ARHGEF39: variants seen among roughly 807,000 people sequenced by gnomAD.
ARHGEF39 encodes Rho guanine nucleotide exchange factor 39.
A neutral mutation model predicts 47.5 loss-of-function variants in ARHGEF39; 45 were observed. That is an observed-to-expected ratio of 0.95 (90% CI 0.75 to 1.22). The LOEUF (loss-of-function observed/expected upper bound fraction) is 1.22. Ranked by LOEUF, ARHGEF39 falls within the 50% of genes most tolerant of loss-of-function variation. The pLI, the probability that ARHGEF39 is intolerant of heterozygous loss-of-function variation, is 0.00. For missense variants in ARHGEF39, 411 were observed against 425.3 expected, an observed-to-expected ratio of 0.97 and a Z score of 0.30; for synonymous variants, 164 against 167.8, an observed-to-expected ratio of 0.98 and a Z score of 0.17.
At position 35,660,387 on chromosome 9, in the gene ARHGEF39, T is replaced by G. The variant is rs1355351195; in HGVS notation, c.*1600A>C. On this transcript the variant is annotated 3_prime_UTR_variant, in exon 9 of 9. Transcript: ENST00000378387. ...TTGTTGCTTCAGTACTGCCCTTTCC[T>G]TCTTCCACAACAGGGGAAAGATGAA... 1 of 1,583,430 alleles carries G rather than the reference T, an allele frequency of 6.3e-7. No homozygotes were observed. Among genetic ancestry groups the G allele is most frequent in the Non-Finnish European group, 8.6e-7 (1 of 1,165,626 alleles).
Position 35,663,265 on chromosome 9 carries a change from G to T in ARHGEF39, c.544+57C>A, listed in dbSNP as rs553038312. Reference sequence around the variant, plus strand: ...CAGACATTGTTGGAGGTCAGAATCAGAAAGGAATACAGGAGAGGAAGCCTC... The same window carrying T: ...CAGACATTGTTGGAGGTCAGAATCATAAAGGAATACAGGAGAGGAAGCCTC... On this transcript the variant is annotated intron_variant, in intron 5 of 8. Transcript: ENST00000378387. The T allele has an allele frequency of 3.1e-6, 5 of 1,590,362 alleles. No individual in the cohort carries two copies. The African/African-American group carries it at 5.4e-5, about 17-fold the overall frequency.
At position 35,664,406 on chromosome 9, in the gene ARHGEF39, G is replaced by C. The variant is rs1375457981; in HGVS notation, c.320C>G (p.Ala107Gly). ...GGTCTGGGACCTCTCTGAGTTGGCA[G>C]CAAATTGGTTATAGAGCTCCAAGTG... Reference protein sequence around the residue: ...CRHLELYNQFAANSERSQTTL... With the variant: ...CRHLELYNQFGANSERSQTTL... Residue 107 changes from alanine (A) to glycine (G), a missense_variant, in exon 3 of 9, where the codon GCT (alanine) becomes GGT (glycine). Transcript: ENST00000378387. 4.3e-6 allele frequency: 7 copies of C among 1,612,890 alleles called. No individual in the cohort carries two copies. Among genetic ancestry groups the C allele is most frequent in the Middle Eastern group, 1.6e-4 (1 of 6,082 alleles).
In ARHGEF39 at chr9:35,660,427, C is replaced by T. The variant is rs757111794; in HGVS notation, c.*1560G>A. ...GGAAAGATGAAACTGCGGTTCTCCA[C>T]GAGGAGGCAAGCAAGCAGCAGCCAC... On this transcript the variant is annotated 3_prime_UTR_variant, in exon 9 of 9. Transcript: ENST00000378387. The T allele has an allele frequency of 8.1e-6, 13 of 1,610,678 alleles. No individual in the cohort carries two copies. Among genetic ancestry groups the T allele is most frequent in the Admixed American group, 1.7e-5 (1 of 59,562 alleles).
rs199757844 is a variant in ARHGEF39 at position 35,662,685 on chromosome 9, G to C, written c.730C>G (p.Arg244Gly). The change falls in exon 7 of 9, where the codon CGG becomes GGG. Residue 244 changes from arginine (R) to glycine (G), a missense_variant. By Grantham distance (125) the Arg-to-Gly change is moderately radical. Coordinates refer to ENST00000378387, the MANE Select transcript of ARHGEF39 (RefSeq NM_032818.3). ...GTGAAGAGGAAGAACATGCGGGGCC[G>C]AGGCTCCCCATGGGGAGGCACCACT... ...LLVVPPHGEP[R>G]PRMFFLFTDV... The C allele has an allele frequency of 1.0e-5, 16 of 1,590,700 alleles. No individual in the cohort carries two copies. Among genetic ancestry groups the C allele is most frequent in the Middle Eastern group, 1.7e-4 (1 of 5,822 alleles).
chr9:35,659,444 G>A lies in ARHGEF39; in HGVS notation c.*2543C>T. 1 of 152,228 alleles carries A rather than the reference G, an allele frequency of 6.6e-6. No individual in the cohort carries two copies. The highest frequency in any genetic ancestry group is 1.9e-4 in the East Asian group (1 of 5,198). The allele number at this position is 152,228 out of a possible 1,614,324, so 9.4% of individuals were successfully genotyped here. A position where few individuals can be genotyped will look rare whatever the true frequency, so the allele number is the denominator to read the frequency against. ...GTCTGGGAGAAACATAATGTAGCAG[G>A]AGGTCTTATGAAAGAGAGTTAGGCA... is the stretch of plus-strand genomic sequence containing the variant. On this transcript the variant is annotated 3_prime_UTR_variant, in exon 9 of 9. Transcript: ENST00000378387.
Position 35,665,163 on chromosome 9 carries a change from G to A in ARHGEF39, c.7C>T (p.Leu3Phe). 2 of 1,504,624 alleles carry A rather than the reference G, an allele frequency of 1.3e-6. No homozygotes were observed. Among genetic ancestry groups the A allele is most frequent in the South Asian group, 1.2e-5 (1 of 80,458 alleles). The allele number at this position is 1,504,624 out of a possible 1,614,324, so 93.2% of individuals were successfully genotyped here. A position where few individuals can be genotyped will look rare whatever the true frequency, so the allele number is the denominator to read the frequency against. Residue 3 changes from leucine to phenylalanine, a missense_variant, in exon 1 of 9, where the codon CTC (leucine) becomes TTC (phenylalanine). Coordinates refer to ENST00000378387, the MANE Select transcript of ARHGEF39 (RefSeq NM_032818.3). ...GGGCACCGCGAACCGGGGCAGGAGA[G>A]CTCCATGCCCTGGCTGAGGGATCGA... ME[L>F]SCPGSRCPVQ...
chr9:35,661,742 G>C lies in ARHGEF39; in HGVS notation c.*245C>G. On this transcript the variant is annotated 3_prime_UTR_variant, in exon 9 of 9. Transcript: ENST00000378387. ...TTGCCCAGGCTGGTCTTGAACTCCTGGGCTGGAATGATCCTGCCACCTCTG... is the reference window on the plus strand; with the variant it reads ...TTGCCCAGGCTGGTCTTGAACTCCTCGGCTGGAATGATCCTGCCACCTCTG... 1 of 491,782 alleles carries C rather than the reference G, an allele frequency of 2.0e-6. No individual in the cohort carries two copies. 30.5% of individuals were successfully genotyped at this position (491,782 alleles called of 1,614,324 possible).
At position 35,661,091 on chromosome 9, in the gene ARHGEF39, G is replaced by A. The variant is rs10441686; in HGVS notation, c.*896C>T. ...AGGTGGGGCGGGGACTACGGAGAAG[G>A]TGCAGCCAGGCTGTGGCAAAGGGCC... On this transcript the variant is annotated 3_prime_UTR_variant, in exon 9 of 9. Coordinates refer to ENST00000378387, the MANE Select transcript of ARHGEF39 (RefSeq NM_032818.3). The A allele has an allele frequency of 0.032, 50,962 of 1,614,068 alleles. 1,596 individuals carry two copies. The highest frequency in any genetic ancestry group is 0.17 in the African/African-American group (12,392 of 75,000).
chr9:35,663,179 T>C (rs773461020), intron 5 of ARHGEF39, 105 bp from the exon 6 acceptor site: 1 of 1,592,882 alleles, frequency 6.3e-7, no homozygotes, highest in Admixed American at 1.7e-5. Context: ...GTCTGACTTC[T>C]TGAAGAAAAG....
chr9:35,664,587 T>C, intron 2 of ARHGEF39, 95 bp from the exon 3 acceptor site: 1 of 1,501,050 alleles, frequency 6.7e-7, no homozygotes, highest in African/African-American at 1.4e-5. Flanking sequence ...GTAGTGCTAT[T>C]ACCCCATTGT....
At position 35,660,817 on chromosome 9, in the gene ARHGEF39, A is replaced by G; in HGVS notation, c.*1170T>C. 2 of 1,614,218 alleles carry G rather than the reference A, an allele frequency of 1.2e-6. No individual in the cohort carries two copies. Among genetic ancestry groups the G allele is most frequent in the East Asian group, 2.2e-5 (1 of 44,888 alleles). On this transcript the variant is annotated 3_prime_UTR_variant, in exon 9 of 9. Transcript: ENST00000378387. ...CTATGGACCATCCACGAGCTGCTGC[A>G]AGATAGCAAGCCGGACAAGGATATG...
chr9:35,662,017 C>G lies in ARHGEF39; in HGVS notation c.993-15G>C, dbSNP rs1229643534. Reference sequence around the variant, plus strand: ...TTTTCTGGCTGCTGTGGAGAGAAGACAGTCAGTTCAGGCACTGGTATGAGT... The same window carrying G: ...TTTTCTGGCTGCTGTGGAGAGAAGAGAGTCAGTTCAGGCACTGGTATGAGT... On this transcript the variant is annotated splice_polypyrimidine_tract_variant and intron_variant, in intron 8 of 8. Transcript: ENST00000378387. 1.2e-6 allele frequency: 2 copies of G among 1,613,880 alleles called. No homozygotes were observed. Among genetic ancestry groups the G allele is most frequent in the Admixed American group, 3.3e-5 (2 of 59,966 alleles).
chr9:35,661,871 G>A lies in ARHGEF39; in HGVS notation c.*116C>T. The A allele has an allele frequency of 7.7e-7, 1 of 1,296,992 alleles. No homozygotes were observed. The highest frequency in any genetic ancestry group is 1.1e-6 in the Non-Finnish European group (1 of 934,186). The allele number at this position is 1,296,992 out of a possible 1,614,324, so 80.3% of individuals were successfully genotyped here. A position where few individuals can be genotyped will look rare whatever the true frequency, so the allele number is the denominator to read the frequency against. On this transcript the variant is annotated 3_prime_UTR_variant, in exon 9 of 9. Transcript: ENST00000378387. ...GTAGCTTGGTCCAGGCAAACAGAAAGTGACCTTTGTCAAATCATGAAGGGT... is the reference window on the plus strand; with the variant it reads ...GTAGCTTGGTCCAGGCAAACAGAAAATGACCTTTGTCAAATCATGAAGGGT...
chr9:35,663,218 TCA>T (rs1824063454), intron 5 of ARHGEF39, 102 bp downstream of exon 5: 1 of 1,544,650 alleles, frequency 6.5e-7, no homozygotes, highest in Non-Finnish European at 8.9e-7. Flanking sequence ...TGTATACATG[TCA>T]GTGGAAGATA....
In ARHGEF39 at chr9:35,661,711, A is replaced by T. The variant is rs1355292328; in HGVS notation, c.*276T>A. 2.3e-6 allele frequency: 1 copy of T among 434,652 alleles called. No homozygotes were observed. The highest frequency in any genetic ancestry group is 4.1e-6 in the Non-Finnish European group (1 of 246,760). 26.9% of individuals were successfully genotyped at this position (434,652 alleles called of 1,614,324 possible). On this transcript the variant is annotated 3_prime_UTR_variant, in exon 9 of 9. Coordinates refer to ENST00000378387, the MANE Select transcript of ARHGEF39 (RefSeq NM_032818.3). ...CTTAAATAGAGACAGGGTCTCACTCACTGTGTTGCCCAGGCTGGTCTTGAA... is the reference window on the plus strand; with the variant it reads ...CTTAAATAGAGACAGGGTCTCACTCTCTGTGTTGCCCAGGCTGGTCTTGAA...
rs773343294 is a variant in ARHGEF39, at chr9:35,661,064, G to A, written c.*923C>T. 2 of 1,614,204 alleles carry A rather than the reference G, an allele frequency of 1.2e-6. No individual in the cohort carries two copies. Among genetic ancestry groups the A allele is most frequent in the Non-Finnish European group, 1.7e-6 (2 of 1,180,034 alleles). ...AGACATGGAACCTAGCTACTTCCTG[G>A]GAGGTGGGGCGGGGACTACGGAGAA... On this transcript the variant is annotated 3_prime_UTR_variant, in exon 9 of 9. Transcript: ENST00000378387.
chr9:35,660,896 C>G lies in ARHGEF39; in HGVS notation c.*1091G>C, dbSNP rs1563912726. On this transcript the variant is annotated 3_prime_UTR_variant, in exon 9 of 9. Transcript: ENST00000378387. ...GAGGCGAGTCTGCTGGAGGTGGAGA[C>G]AAAGTCTCTGAAACTGGAACATTCC... is the stretch of plus-strand genomic sequence containing the variant. The G allele has an allele frequency of 1.2e-6, 2 of 1,614,146 alleles. No individual in the cohort carries two copies. The highest frequency in any genetic ancestry group is 1.7e-5 in the Admixed American group (1 of 60,032).
At position 35,664,802 on chromosome 9, in the gene ARHGEF39, G is replaced by A. The variant is rs1438936611; in HGVS notation, c.187C>T (p.Arg63Cys). ...KAKGTLRPPE[R>C]QALFGSWELI... ...TCCCAGGAGCCAAACAGGGCCTGGC[G>A]CTCAGGTGGTCGCAGGGTCCCCTTG... The change falls in exon 2 of 9, where the codon CGC (arginine) becomes TGC (cysteine). Residue 63 changes from arginine to cysteine, a missense_variant. Arg to Cys is a radical substitution (Grantham distance 180). Coordinates refer to ENST00000378387, the MANE Select transcript of ARHGEF39 (RefSeq NM_032818.3). The A allele has an allele frequency of 1.9e-6, 3 of 1,612,398 alleles. No homozygotes were observed. Among genetic ancestry groups the A allele is most frequent in the Admixed American group, 1.7e-5 (1 of 60,032 alleles).
At position 35,662,716 on chromosome 9, in the gene ARHGEF39, C is replaced by A. The variant is rs936216186; in HGVS notation, c.699G>T (p.Trp233Cys). ...CCCCATGGGGAGGCACCACTAACAG[C>A]CAGCCCTGGCGTAGGAACCAGCGCC... is the stretch of plus-strand genomic sequence containing the variant. ...TSGRWFLRQG[W>C]LLVVPPHGEP... Residue 233 changes from tryptophan (W) to cysteine (C), a missense_variant, in exon 7 of 9, where the codon TGG (tryptophan) becomes TGT (cysteine). Trp to Cys is a radical substitution (Grantham distance 215). Coordinates refer to ENST00000378387, the MANE Select transcript of ARHGEF39 (RefSeq NM_032818.3). 8 of 1,566,218 alleles carry A rather than the reference C, an allele frequency of 5.1e-6. No individual in the cohort carries two copies. The highest frequency in any genetic ancestry group is 3.8e-5 in the Admixed American group (2 of 52,000).
Sources: allele counts gnomAD v4.1 joint callset, GRCh38; gene constraint gnomAD v4.1.1; transcripts MANE v1.5; gene names NCBI Gene and HGNC (gene_info 2026-07-23, HGNC 2026-07-21).